Variants in ATG7 observed in about 807,000 individuals in gnomAD.
ATG7 encodes ubiquitin-like modifier-activating enzyme ATG7.
ATG7 carries 70 observed loss-of-function variants against 82.4 expected under a neutral mutation model. The observed-to-expected ratio is 0.85, with a 90% CI of 0.70 to 1.04. The LOEUF (loss-of-function observed/expected upper bound fraction) is 1.04, where lower values mean the gene tolerates loss of function less well. Ranked by LOEUF, ATG7 falls within the 50% of genes least tolerant of loss-of-function variation. The pLI is 0.00. For synonymous variants in ATG7, 287 were observed against 313.0 expected, an observed-to-expected ratio of 0.92 and a Z score of 0.88; for missense variants, 792 against 864.3, an observed-to-expected ratio of 0.92 and a Z score of 1.05.
chr3:11,464,409 C>T (rs564179130), intron 20 of ATG7, among the ~76,000 whole-genome samples: 7 of 152,276 alleles, frequency 4.6e-5, no homozygotes, highest in East Asian at 1.9e-4. Context: ...TTCAGTAAAT[C>T]TTTTCTAATT....
chr3:11,385,116 G>A (rs1312857117), intron 19 of ATG7, among the ~76,000 whole-genome samples: 1 of 152,128 alleles, frequency 6.6e-6, no homozygotes, highest in Non-Finnish European at 1.5e-5. Flanking sequence ...TGCAGCCTCC[G>A]CCTCCTGGGT....
chr3:11,340,658 AG>A lies in ATG7; in HGVS notation c.904del (p.Val302LeufsTer16). 3 of 1,613,712 alleles carry A rather than the reference AG, an allele frequency of 1.9e-6. No homozygotes were observed. The highest frequency in any genetic ancestry group is 2.5e-6 in the Non-Finnish European group (3 of 1,179,750). On this transcript the variant is annotated frameshift_variant, in exon 12 of 21. Coordinates refer to ENST00000693202, the MANE Select transcript of ATG7 (RefSeq NM_001349232.2). LOFTEE classifies it high-confidence loss of function. ...MAFSPDCPKA[V>X]GWEKNQKGGM... ...ATTTGCCTTAAGATTGTCCTAAAGC[AG>A]TTGGATGGGAAAAGAACCAGAAAGG...
At chr3:11,493,741 T>C (rs1438037986) in intron 20 of ATG7, among the ~76,000 whole-genome samples, 1 of 152,102 alleles carries the variant, frequency 6.6e-6, no homozygotes, top group East Asian at 1.9e-4. Flanking sequence ...TGATACAGCC[T>C]AGGGGAAACA....
chr3:11,304,085 C>A (rs1021374975), intron 5 of ATG7, among the ~76,000 whole-genome samples: 1 of 152,078 alleles, frequency 6.6e-6, no homozygotes, highest in Non-Finnish European at 1.5e-5. Context: ...AGTGAGACTC[C>A]GTCTCAAAAA....
downstream of ATG7, among the ~76,000 whole-genome samples, chr3:11,560,730 C>G (rs2072907497): frequency 6.6e-6 from 1 of 152,198 alleles, no homozygotes; most frequent in Non-Finnish European, 1.5e-5. Context: ...ACCAAGAATT[C>G]AGGGTTTCTT....
chr3:11,358,454 G>A lies in ATG7; in HGVS notation c.1321G>A (p.Gly441Arg), dbSNP rs777891055. ...RGFNMSIPMP[G>R]HPVNFSSVTL... The stretch of plus-strand genomic sequence containing the variant: ...ATTCAACATGAGCATACCTATGCCT[G>A]GGCATCCAGTGAACTTCTCCAGTGT... The change falls in exon 15 of 21, where the codon GGG becomes AGG. Residue 441 changes from glycine (G) to arginine (R), a missense_variant. Physicochemically the swap from Gly to Arg is moderately radical, Grantham distance 125. Coordinates refer to ENST00000693202, the MANE Select transcript of ATG7 (RefSeq NM_001349232.2). 6 of 1,613,896 alleles carry A rather than the reference G, an allele frequency of 3.7e-6. No individual in the cohort carries two copies. Among genetic ancestry groups the A allele is most frequent in the Non-Finnish European group, 5.1e-6 (6 of 1,179,930 alleles).
chr3:11,343,950 G>T lies in ATG7; in HGVS notation c.1125+1671G>T, dbSNP rs77547639. 9.8e-4 allele frequency among the ~76,000 whole-genome samples: 149 copies of T among 152,230 alleles called. 1 individual carries two copies. Among genetic ancestry groups the T allele is most frequent in the African/African-American group, 3.5e-3 (144 of 41,552 alleles). ...ATTAATCCTTAGTTCTGGGAGCATG[G>T]TGTATCTCTTAATTAGATCATCTTT... On this transcript the variant is annotated intron_variant, in intron 13 of 20. Transcript: ENST00000693202.
rs1954829367 is a variant in ATG7 at position 11,348,012 on chromosome 3, C to T, written c.1261C>T (p.Leu421Phe). Residue 421 changes from leucine (L) to phenylalanine (F), a missense_variant, in exon 14 of 21, where the codon CTC becomes TTC. By Grantham distance (22) the Leu-to-Phe change is conservative. Coordinates refer to ENST00000693202, the MANE Select transcript of ATG7 (RefSeq NM_001349232.2). ...CAAGGCTCTGGCAGCAGCGGACCGG[C>T]TCCAGAAAATATTCCCCGGTGTGGT... Reference protein sequence around the residue: ...KPKALAAADRLQKIFPGVNAR... With the variant: ...KPKALAAADRFQKIFPGVNAR... 1 of 1,613,880 alleles carries T rather than the reference C, an allele frequency of 6.2e-7. No homozygotes were observed. Among genetic ancestry groups the T allele is most frequent in the Non-Finnish European group, 8.5e-7 (1 of 1,179,822 alleles).
chr3:11,417,112 A>G (rs1369263287), intron 19 of ATG7, among the ~76,000 whole-genome samples: 1 of 152,172 alleles, frequency 6.6e-6, no homozygotes, highest in Non-Finnish European at 1.5e-5. Context: ...TACCTTGGTG[A>G]ATATTCCATG....
intron 20 of ATG7, among the ~76,000 whole-genome samples, chr3:11,442,854 G>A (rs761351297): frequency 9.3e-5 from 14 of 151,298 alleles, no homozygotes; most frequent in Non-Finnish European, 1.6e-4. Context: ...CCAGGAGTTC[G>A]AGGCTGCATT....
intron 20 of ATG7, among the ~76,000 whole-genome samples, chr3:11,460,143 C>T (rs2152997184): frequency 6.6e-6 from 1 of 152,330 alleles, no homozygotes; most frequent in South Asian, 2.1e-4. Context: ...GATGGATCAG[C>T]TGTTTACTTA....
chr3:11,452,182 C>T (rs1236014634), intron 20 of ATG7, among the ~76,000 whole-genome samples: 2 of 151,832 alleles, frequency 1.3e-5, no homozygotes, highest in African/African-American at 2.4e-5. Context: ...GTCAGGCATT[C>T]AAGACCAGCC....
At chr3:11,292,581 T>G (rs1232996623) in intron 3 of ATG7, among the ~76,000 whole-genome samples, 1 of 147,694 alleles carries the variant, frequency 6.8e-6, no homozygotes, top group Non-Finnish European at 1.5e-5. Flanking sequence ...ATTTCTTACT[T>G]CTTGGAACCT....
At chr3:11,573,385 AAG>A in the ATG7 span, among the ~76,000 whole-genome samples, 2 of 148,682 alleles carry the variant, frequency 1.3e-5, no homozygotes, top group African/African-American at 4.9e-5. Flanking sequence ...GAAAGAAAGA[AAG>A]AAAGAAAGAA....
At chr3:11,440,881 G>C (rs929432230) in intron 20 of ATG7, among the ~76,000 whole-genome samples, 2 of 150,506 alleles carry the variant, frequency 1.3e-5, no homozygotes, top group African/African-American at 4.9e-5. Context: ...ATGGGGTTTT[G>C]CCATGCTGGT....
chr3:11,313,428 C>A lies in ATG7; in HGVS notation c.528+8C>A, dbSNP rs763418077. The A allele has an allele frequency of 1.3e-6, 2 of 1,573,572 alleles. No homozygotes were observed. Among genetic ancestry groups the A allele is most frequent in the South Asian group, 1.1e-5 (1 of 87,746 alleles). On this transcript the variant is annotated splice_region_variant and intron_variant, in intron 8 of 20. Coordinates refer to ENST00000693202, the MANE Select transcript of ATG7 (RefSeq NM_001349232.2). Reference sequence around the variant, plus strand: ...AGGTTTTCACTAAAACAGGTATCAACAAATAACCAAAATGCACATAAAATT... The same window carrying A: ...AGGTTTTCACTAAAACAGGTATCAAAAAATAACCAAAATGCACATAAAATT...
At chr3:11,352,251 T>C (rs953337741) in intron 14 of ATG7, among the ~76,000 whole-genome samples, 8 of 152,212 alleles carry the variant, frequency 5.3e-5, no homozygotes, top group Non-Finnish European at 8.8e-5. Flanking sequence ...CAGTCTATCA[T>C]TGATGGACAT....
At chr3:11,542,354 G>A (rs977323119) in intron 20 of ATG7, among the ~76,000 whole-genome samples, 2 of 152,224 alleles carry the variant, frequency 1.3e-5, no homozygotes, top group Non-Finnish European at 2.9e-5. Context: ...ACTAATAAGA[G>A]GGGGAGACCT....
At chr3:11,462,730 C>T (rs1014240676) in intron 20 of ATG7, among the ~76,000 whole-genome samples, 1 of 152,028 alleles carries the variant, frequency 6.6e-6, no homozygotes, top group African/African-American at 2.4e-5. Context: ...ACTATCCTCT[C>T]GCCACCCCCC....
Sources: gnomAD v4.1 joint callset for allele counts (sites outside exome capture counted in the v4.1 genomes callset) on GRCh38, gnomAD v4.1.1 for gene constraint, MANE v1.5 for transcripts, NCBI Gene and HGNC (gene_info 2026-07-23, HGNC 2026-07-21) for gene names.